RELN: variants seen among roughly 807,000 people sequenced by gnomAD.
RELN encodes the protein reelin.
In RELN, 108 loss-of-function variants were observed where a neutral mutation model predicts 427.6. That is an observed-to-expected ratio of 0.25 (90% CI 0.22 to 0.30). The LOEUF is 0.30. RELN is among the 10% of genes least tolerant of loss of function. The pLI is 1.00. For synonymous variants in RELN, 1,524 were observed against 1,513.4 expected (o/e 1.01, Z -0.16); for missense variants, 3,715 against 4,302.8 (o/e 0.86, Z 3.82).
At chr7:103,910,433 G>A (rs1227586959) in intron 2 of RELN, among the ~76,000 whole-genome samples, 1 of 151,764 alleles carries the variant, frequency 6.6e-6, no homozygotes, top group African/African-American at 2.4e-5. Flanking sequence ...GCCCTGGCCA[G>A]AACTTCCAAC....
At chr7:103,851,806 C>A (rs1257492957) in intron 2 of RELN, among the ~76,000 whole-genome samples, 1 of 152,210 alleles carries the variant, frequency 6.6e-6, no homozygotes, top group Non-Finnish European at 1.5e-5. Context: ...CATTATCCAG[C>A]TCCTTTGCAG....
chr7:103,986,551 C>G (rs1797100845), intron 1 of RELN, among the ~76,000 whole-genome samples: 1 of 148,544 alleles, frequency 6.7e-6, no homozygotes, highest in South Asian at 2.1e-4. Flanking sequence ...TGTCAGAGGG[C>G]AGCTGACTGA....
intron 1 of RELN, among the ~76,000 whole-genome samples, chr7:103,948,568 G>A (rs966815809): frequency 6.6e-6 from 1 of 152,234 alleles, no homozygotes; most frequent in African/African-American, 2.4e-5. Flanking sequence ...AGCTACTCGG[G>A]AGGCTGAGGC....
At chr7:103,863,920 G>A (rs776460749) in intron 2 of RELN, among the ~76,000 whole-genome samples, 1 of 151,992 alleles carries the variant, frequency 6.6e-6, no homozygotes, top group Non-Finnish European at 1.5e-5. Context: ...CTTTCAGGAA[G>A]ATGACATGTT....
At chr7:103,657,765 T>C (rs1206020098) in intron 12 of RELN, among the ~76,000 whole-genome samples, 94 of 152,202 alleles carry the variant, frequency 6.2e-4, no homozygotes, top group Non-Finnish European at 2.8e-4. Flanking sequence ...CAGCAGCTTC[T>C]ACAGGGAGAT....
In RELN at chr7:103,561,668, A is replaced by G. The variant is rs774664608; in HGVS notation, c.5393T>C (p.Val1798Ala). Reference protein sequence around the residue: ...GFGGPYCVPVVPLPSILKDDF... With the variant: ...GFGGPYCVPVAPLPSILKDDF... ...GTCTTTAAGAATCGAGGGCAGAGGA[A>G]CAACAGGAACACAATAGGGTCCACC... Residue 1798 changes from valine (V) to alanine (A), a missense_variant, in exon 36 of 65, where the codon GTT (valine) becomes GCT (alanine). Around this residue, in one of 4 missense-constraint regions of RELN, gnomAD observed 2,208 missense variants for 2,361.7 expected, o/e 0.93. Transcript: ENST00000428762. 1.9e-6 allele frequency: 3 copies of G among 1,613,942 alleles called. No homozygotes were observed. The African/African-American group carries it at 4.0e-5, about 22-fold the overall frequency.
In RELN at chr7:103,959,736, C is replaced by T. The variant is rs191206071; in HGVS notation, c.226+29395G>A. 9.1e-4 allele frequency among the ~76,000 whole-genome samples: 139 copies of T among 152,084 alleles called. 2 individuals are homozygous for T. In the East Asian group the frequency reaches 0.023, roughly 25 times the overall value. On this transcript the variant is annotated intron_variant, in intron 1 of 64. Coordinates refer to ENST00000428762, the MANE Select transcript of RELN (RefSeq NM_005045.4). ...CGTGATCCTCTTGCCTCAGTTTCCC[C>T]AGTAGCTGGGACTACAGCATGCACC... is the stretch of plus-strand genomic sequence containing the variant.
At chr7:103,977,521 A>T (rs1006274037) in intron 1 of RELN, among the ~76,000 whole-genome samples, 1 of 152,036 alleles carries the variant, frequency 6.6e-6, no homozygotes, top group African/African-American at 2.4e-5. Flanking sequence ...TAAGAACGCA[A>T]TTCCACCCTA....
chr7:103,521,038 G>A (rs559330628), intron 48 of RELN, among the ~76,000 whole-genome samples: 1 of 135,990 alleles, frequency 7.4e-6, no homozygotes, highest in South Asian at 2.4e-4. Context: ...CTGCAGTGGC[G>A]CAATCTCGGC....
chr7:103,486,067 C>T, intron 61 of RELN, 130 bp downstream of exon 61: 2 of 850,322 alleles, frequency 2.4e-6, no homozygotes, highest in Non-Finnish European at 4.0e-6. Flanking sequence ...GTCCCAAATT[C>T]AAATGACAGG....
chr7:103,945,809 T>A (rs1306839051), intron 1 of RELN, among the ~76,000 whole-genome samples: 1 of 152,184 alleles, frequency 6.6e-6, no homozygotes, highest in Non-Finnish European at 1.5e-5. Context: ...CAGGTATCTT[T>A]AGATACACAA....
chr7:103,685,065 A>C (rs1468213944), intron 10 of RELN, among the ~76,000 whole-genome samples: 1 of 152,150 alleles, frequency 6.6e-6, no homozygotes, highest in Non-Finnish European at 1.5e-5. Flanking sequence ...GCCCTCCTCC[A>C]AATTTTGGCA....
chr7:103,985,300 T>C (rs1584422126), intron 1 of RELN, among the ~76,000 whole-genome samples: 1 of 152,140 alleles, frequency 6.6e-6, no homozygotes, highest in African/African-American at 2.4e-5. Context: ...TTTCTCTCAG[T>C]TGATATTTTA....
chr7:103,985,299 G>T (rs970510096), intron 1 of RELN, among the ~76,000 whole-genome samples: 1 of 152,054 alleles, frequency 6.6e-6, no homozygotes. Context: ...TTTTCTCTCA[G>T]TTGATATTTT....
intron 20 of RELN, among the ~76,000 whole-genome samples, chr7:103,616,125 T>C (rs1339259285): frequency 6.6e-6 from 1 of 152,200 alleles, no homozygotes; most frequent in African/African-American, 2.4e-5. Context: ...TCACTATTCA[T>C]GTGCCATAAG....
At chr7:103,616,327 C>A (rs541212607) in intron 20 of RELN, among the ~76,000 whole-genome samples, 1 of 152,040 alleles carries the variant, frequency 6.6e-6, no homozygotes, top group African/African-American at 2.4e-5. Flanking sequence ...AATGAATGTA[C>A]GCCTCTCTGA....
At chr7:103,961,526 T>C (rs940485080) in intron 1 of RELN, among the ~76,000 whole-genome samples, 28 of 152,032 alleles carry the variant, frequency 1.8e-4, no homozygotes, top group African/African-American at 6.8e-4. Flanking sequence ...AATGGAGAAA[T>C]GGTGTATTCT....
At chr7:103,862,219 G>C (rs906363898) in intron 2 of RELN, among the ~76,000 whole-genome samples, 4 of 152,120 alleles carry the variant, frequency 2.6e-5, no homozygotes, top group African/African-American at 9.7e-5. Flanking sequence ...TTCAGTATAT[G>C]GATCTGAAAG....
intron 8 of RELN, among the ~76,000 whole-genome samples, chr7:103,706,867 A>G (rs1197938134): frequency 6.6e-6 from 1 of 152,178 alleles, no homozygotes; most frequent in Non-Finnish European, 1.5e-5. Flanking sequence ...CAACTGAACC[A>G]AGAAGAAATA....
Sources: allele counts gnomAD v4.1 joint callset (sites outside exome capture counted in the v4.1 genomes callset), GRCh38; gene constraint gnomAD v4.1.1; regional missense constraint gnomAD v4.1.1; transcripts MANE v1.5; gene names NCBI Gene and HGNC (gene_info 2026-07-23, HGNC 2026-07-21).